KEL: variants seen among roughly 807,000 people sequenced by gnomAD.
The protein encoded by KEL is Kell metallo-endopeptidase (Kell blood group).
KEL carries 96 observed loss-of-function variants against 99.5 expected under a neutral mutation model. The observed-to-expected ratio is 0.97, with a 90% CI of 0.82 to 1.14. KEL has a LOEUF of 1.14. KEL is among the 50% of genes most tolerant of loss of function. The pLI, the probability that KEL is intolerant of heterozygous loss-of-function variation, is 0.00. For missense variants in KEL, 926 were observed against 924.2 expected, an observed-to-expected ratio of 1.00 and a Z score of -0.03; for synonymous variants, 355 against 354.8, an observed-to-expected ratio of 1.00 and a Z score of -0.01.
Position 142,961,081 on chromosome 7 carries a change from AAC to A in KEL, c.245_246del (p.Cys82PhefsTer34). 6.2e-7 allele frequency: 1 copy of A among 1,614,104 alleles called. No homozygotes were observed. The highest frequency in any genetic ancestry group is 8.5e-7 in the Non-Finnish European group (1 of 1,180,048). On this transcript the variant is annotated frameshift_variant, in exon 4 of 19. Transcript: ENST00000355265. LOFTEE classifies it high-confidence loss of function. ...CGPRPCETSV[C>X]LDLRDHYLAS... ...GCCAGGTAATGATCCCGGAGATCCAAACACACAGATGTCTCACAGGGGCCTGT... is the reference window on the plus strand; with the variant it reads ...GCCAGGTAATGATCCCGGAGATCCAAACACAGATGTCTCACAGGGGCCTGT...
rs1302377951 is a variant in KEL, at chr7:142,953,932, A to G, written c.949T>C (p.Leu317=). Reference sequence around the variant, plus strand: ...GTGAATGTCGCTTGCAAGCAGGACAACCAGTCGATGGCGGGGGCCATTTCC... The same window carrying G: ...GTGAATGTCGCTTGCAAGCAGGACAGCCAGTCGATGGCGGGGGCCATTTCC... ...LKEMAPAIDW[L]SCLQATFTPM... is the part of the protein sequence containing the mutation. The change falls in exon 9 of 19, where the codon TTG becomes CTG. Residue 317 remains leucine, a synonymous_variant. Coordinates refer to ENST00000355265, the MANE Select transcript of KEL (RefSeq NM_000420.3). 2 of 1,614,188 alleles carry G rather than the reference A, an allele frequency of 1.2e-6. No individual in the cohort carries two copies.
At chr7:142,941,533 G>T in intron 18 of KEL, 120 bp from the exon 19 acceptor site, 1 of 856,776 alleles carries the variant, frequency 1.2e-6, no homozygotes, top group Non-Finnish European at 1.8e-6. Context: ...TGCCCCAAGG[G>T]CCACATGGAG....
In KEL at chr7:142,962,357, C is replaced by G; in HGVS notation, c.-151G>C. ...CTCTTTCGCCTTGTCCCCAGACACACAGGACTGGCCTCTGGGTGGAGCCTG... is the reference window on the plus strand; with the variant it reads ...CTCTTTCGCCTTGTCCCCAGACACAGAGGACTGGCCTCTGGGTGGAGCCTG... On this transcript the variant is annotated 5_prime_UTR_variant, in exon 1 of 19. Coordinates refer to ENST00000355265, the MANE Select transcript of KEL (RefSeq NM_000420.3). The G allele has an allele frequency of 1.2e-6, 1 of 857,534 alleles. No homozygotes were observed. The highest frequency in any genetic ancestry group is 1.4e-5 in the South Asian group (1 of 72,030). The allele number at this position is 857,534 out of a possible 1,614,324, so 53.1% of individuals were successfully genotyped here.
intron 18 of KEL, among the ~76,000 whole-genome samples, chr7:142,941,727 TAAG>T (rs1273089361): frequency 2.0e-4 from 30 of 151,480 alleles, no homozygotes; most frequent in Admixed American, 2.0e-3. Context: ...ACAGGGTGCT[TAAG>T]GAGGTGATGT....
intron 11 of KEL, among the ~76,000 whole-genome samples, chr7:142,945,381 CCT>C (rs1196940919): frequency 6.6e-6 from 1 of 152,210 alleles, no homozygotes; most frequent in Non-Finnish European, 1.5e-5. Context: ...AGTCACTTAA[CCT>C]CTCTTTGCTT....
At chr7:142,957,779 T>C in intron 6 of KEL, 48 bp downstream of exon 6, 4 of 1,611,310 alleles carry the variant, frequency 2.5e-6, no homozygotes, top group South Asian at 1.1e-5. Flanking sequence ...TTGGCTAGAG[T>C]TGGAGGCAGG....
At position 142,962,261 on chromosome 7, in the gene KEL, T is replaced by A; in HGVS notation, c.-55A>T. On this transcript the variant is annotated 5_prime_UTR_variant, in exon 1 of 19. Transcript: ENST00000355265. The stretch of plus-strand genomic sequence containing the variant: ...TCCTGGTTCCACTCTAGGAGCTGAT[T>A]CGGAGGACTGGGGTCCAGGAAACAC... 6.2e-7 allele frequency: 1 copy of A among 1,610,174 alleles called. No homozygotes were observed. The highest frequency in any genetic ancestry group is 8.5e-7 in the Non-Finnish European group (1 of 1,176,348).
chr7:142,943,742 C>A (rs79027313), intron 14 of KEL, 41 bp downstream of exon 14: 3 of 1,572,900 alleles, frequency 1.9e-6, no homozygotes, highest in African/African-American at 1.4e-5. Context: ...ATGGATGGGT[C>A]TCTCTGGGAT....
intron 17 of KEL, 47 bp downstream of exon 17, chr7:142,942,828 T>A (rs368328555): frequency 7.0e-5 from 112 of 1,608,208 alleles, no homozygotes; most frequent in Non-Finnish European, 8.5e-6. Flanking sequence ...GGACATGTTT[T>A]CTAGTCTGCC....
intron 11 of KEL, among the ~76,000 whole-genome samples, chr7:142,945,615 G>T (rs907856059): frequency 2.0e-5 from 3 of 151,348 alleles, no homozygotes; most frequent in Non-Finnish European, 2.9e-5. Flanking sequence ...ACTTAGAGAT[G>T]ATAGTGTTCA....
In KEL at chr7:142,942,974, A is replaced by G; in HGVS notation, c.1842T>C (p.His614=). 1.9e-6 allele frequency: 3 copies of G among 1,614,180 alleles called. No individual in the cohort carries two copies. The South Asian group carries it at 3.3e-5, about 18-fold the overall frequency. The stretch of plus-strand genomic sequence containing the variant: ...TGCTAGGTAATGGAAAGGCAGCATA[A>G]TGGCGCTTCAGGCACAGGTGAGCTT... ...LQEAHLCLKR[H]YAAFPLPSRT... Residue 614 remains histidine (H), a synonymous_variant, in exon 17 of 19, where the codon CAT becomes CAC. Transcript: ENST00000355265.
At position 142,961,061 on chromosome 7, in the gene KEL, G is replaced by A; in HGVS notation, c.267C>T (p.Tyr89=). 1 of 1,614,230 alleles carries A rather than the reference G, an allele frequency of 6.2e-7. No individual in the cohort carries two copies. Among genetic ancestry groups the A allele is most frequent in the Non-Finnish European group, 8.5e-7 (1 of 1,180,046 alleles). ...TSVCLDLRDH[Y]LASGNTSVAP... ...CCACACTTGTGTTCCCAGAGGCCAG[G>A]TAATGATCCCGGAGATCCAAACACA... is the stretch of plus-strand genomic sequence containing the variant. Residue 89 remains tyrosine, a synonymous_variant, in exon 4 of 19, where the codon TAC becomes TAT. Transcript: ENST00000355265.
At position 142,942,945 on chromosome 7, in the gene KEL, G is replaced by T. The variant is rs1395571252; in HGVS notation, c.1871C>A (p.Thr624Asn). 6.2e-7 allele frequency: 1 copy of T among 1,614,082 alleles called. No homozygotes were observed. The highest frequency in any genetic ancestry group is 1.3e-5 in the African/African-American group (1 of 74,928). ...HYAAFPLPSR[T>N]SFNDSLTFLE... Reference sequence around the variant, plus strand: ...GAATGTGAGGGAGTCATTGAAGGAGGTTCTGCTAGGTAATGGAAAGGCAGC... The same window carrying T: ...GAATGTGAGGGAGTCATTGAAGGAGTTTCTGCTAGGTAATGGAAAGGCAGC... Residue 624 changes from threonine (T) to asparagine (N), a missense_variant, in exon 17 of 19, where the codon ACC (threonine) becomes AAC (asparagine). Thr to Asn is a moderately conservative substitution (Grantham distance 65). Coordinates refer to ENST00000355265, the MANE Select transcript of KEL (RefSeq NM_000420.3).
rs751855900 is a variant in KEL at position 142,944,721 on chromosome 7, C to T, written c.1335G>A (p.Ala445=). The change falls in exon 12 of 19, where the codon GCG becomes GCA. Residue 445 remains alanine, a synonymous_variant. Coordinates refer to ENST00000355265, the MANE Select transcript of KEL (RefSeq NM_000420.3). Reference sequence around the variant, plus strand: ...GGCGAGTGATGAGGGCATCCCGGATCGCAGTGAATAATTTCATGGCCTGTG... The same window carrying T: ...GGCGAGTGATGAGGGCATCCCGGATTGCAGTGAATAATTTCATGGCCTGTG... The part of the protein sequence containing the change: ...TRSAAMKLFT[A]IRDALITRLR... 9.9e-6 allele frequency: 16 copies of T among 1,614,050 alleles called. No homozygotes were observed. Among genetic ancestry groups the T allele is most frequent in the Non-Finnish European group, 1.3e-5 (15 of 1,179,924 alleles).
intron 2 of KEL, 107 bp from the exon 3 acceptor site, chr7:142,961,608 A>C: frequency 7.1e-7 from 1 of 1,405,048 alleles, no homozygotes; most frequent in East Asian, 2.3e-5. Context: ...CCCTTTATAC[A>C]GAAATAATTA....
At chr7:142,950,374 C>T (rs8176004) in intron 10 of KEL, among the ~76,000 whole-genome samples, 1,542 of 152,288 alleles carry the variant, frequency 0.01, 12 homozygotes, top group African/African-American at 0.028. Flanking sequence ...GGAGCATGCT[C>T]CAGGGGCATC....
At chr7:142,956,600 G>A (rs1796836143) in intron 6 of KEL, among the ~76,000 whole-genome samples, 1 of 151,956 alleles carries the variant, frequency 6.6e-6, no homozygotes. Context: ...CTGACTCCAC[G>A]AAGGAATCAC....
At chr7:142,952,322 C>T (rs1437094977) in intron 10 of KEL, among the ~76,000 whole-genome samples, 187 bp downstream of exon 10, 2 of 152,128 alleles carry the variant, frequency 1.3e-5, no homozygotes, top group Admixed American at 6.5e-5. Flanking sequence ...AGGTCTGGCA[C>T]GTGGCATCTT....
chr7:142,962,326 C>T lies in KEL; in HGVS notation c.-120G>A. On this transcript the variant is annotated 5_prime_UTR_variant, in exon 1 of 19. Transcript: ENST00000355265. The stretch of plus-strand genomic sequence containing the variant: ...CCTTGATCCTGGAGAAGGGGCACTT[C>T]TGCTGCTCTTTCGCCTTGTCCCCAG... The T allele has an allele frequency of 2.6e-6, 3 of 1,158,788 alleles. No individual in the cohort carries two copies. Among genetic ancestry groups the T allele is most frequent in the Non-Finnish European group, 3.9e-6 (3 of 769,038 alleles). 71.8% of individuals were successfully genotyped at this position (1,158,788 alleles called of 1,614,324 possible).
Sources: allele counts gnomAD v4.1 joint callset (sites outside exome capture counted in the v4.1 genomes callset), GRCh38; gene constraint gnomAD v4.1.1; transcripts MANE v1.5; gene names NCBI Gene and HGNC (gene_info 2026-07-23, HGNC 2026-07-21).